RBMS2: variants seen among roughly 807,000 people sequenced by gnomAD.
RBMS2 encodes RNA-binding motif, single-stranded-interacting protein 2.
Under a neutral mutation model 58.4 loss-of-function variants are expected in RBMS2, and 38 were observed. The ratio of observed to expected loss-of-function variants is 0.65; its 90% CI spans 0.50 to 0.85. The LOEUF is 0.85. Ranked by LOEUF, RBMS2 falls within the 40% of genes least tolerant of loss-of-function variation. The pLI is 0.00. For missense variants in RBMS2, 367 were observed against 503.7 expected (o/e 0.73, Z 2.60); for synonymous variants, 151 against 180.7 (o/e 0.84, Z 1.32).
intron 1 of RBMS2, among the ~76,000 whole-genome samples, chr12:56,545,824 G>T (rs1877064113): frequency 6.6e-6 from 1 of 151,986 alleles, no homozygotes; most frequent in African/African-American, 2.4e-5. Flanking sequence ...TATTTATCCA[G>T]TTATCAGTTG....
At chr12:56,566,011 T>C (rs1881281559) in intron 2 of RBMS2, among the ~76,000 whole-genome samples, 1 of 152,114 alleles carries the variant, frequency 6.6e-6, no homozygotes, top group South Asian at 2.1e-4. Flanking sequence ...TGCCCCACAG[T>C]CAGACTTCTC....
chr12:56,588,813 T>G, intron 12 of RBMS2, 119 bp from the exon 13 acceptor site: 2 of 848,264 alleles, frequency 2.4e-6, no homozygotes, highest in South Asian at 3.0e-5. Context: ...CACACATGAG[T>G]GTGGAGAGTG....
intron 1 of RBMS2, among the ~76,000 whole-genome samples, chr12:56,526,144 T>C (rs1001900234): frequency 6.6e-6 from 1 of 151,420 alleles, no homozygotes; most frequent in Non-Finnish European, 1.5e-5. Flanking sequence ...CCGTCAATAC[T>C]GAAAATACAA....
intron 1 of RBMS2, among the ~76,000 whole-genome samples, chr12:56,538,466 CTTTTTTTTTTTTTTT>C (rs58534515): frequency 1.4e-5 from 1 of 72,482 alleles, no homozygotes; most frequent in Non-Finnish European, 2.5e-5. Flanking sequence ...GTACTGATAT[CTTTTTTTTTTTTTTT>C]TTTTTTTTTT....
At position 56,595,247 on chromosome 12, in the gene RBMS2, A is replaced by G. The variant is rs1393019901; in HGVS notation, c.*6114A>G. 6.6e-6 allele frequency: 1 copy of G among 152,148 alleles called. No individual in the cohort carries two copies. Among genetic ancestry groups the G allele is most frequent in the Non-Finnish European group, 1.5e-5 (1 of 68,030 alleles). 9.4% of individuals were successfully genotyped at this position (152,148 alleles called of 1,614,324 possible). ...GGCTGGAAGCGAATGTTCCTTTTCT[A>G]CCTTAACATACAGTTTAGGGGGTTG... On this transcript the variant is annotated 3_prime_UTR_variant, in exon 14 of 14. Coordinates refer to ENST00000262031, the MANE Select transcript of RBMS2 (RefSeq NM_002898.4).
At chr12:56,573,204 T>C (rs1882583135) in intron 5 of RBMS2, 1 of 978,716 alleles carries the variant, frequency 1.0e-6, no homozygotes, top group African/African-American at 1.8e-5. Context: ...TGGCTGGGCG[T>C]GGTGGCTCAC....
chr12:56,581,070 A>C (rs1883877073), intron 5 of RBMS2, 114 bp from the exon 6 acceptor site: 2 of 870,862 alleles, frequency 2.3e-6, no homozygotes, highest in Admixed American at 3.9e-5. Flanking sequence ...TTCTGTAGTC[A>C]TAACATTTGG....
In RBMS2 at chr12:56,569,881, C is replaced by T; in HGVS notation, c.293-18C>T. 6.3e-7 allele frequency: 1 copy of T among 1,593,946 alleles called. No individual in the cohort carries two copies. Among genetic ancestry groups the T allele is most frequent in the Non-Finnish European group, 8.6e-7 (1 of 1,161,832 alleles). On this transcript the variant is annotated intron_variant, in intron 3 of 13. Transcript: ENST00000262031. ...TTACACCTCCCACTTCCTAGTGATGCTGTTTCCTCTGTTCCAGGCTATGGC... is the reference window on the plus strand; with the variant it reads ...TTACACCTCCCACTTCCTAGTGATGTTGTTTCCTCTGTTCCAGGCTATGGC...
intron 1 of RBMS2, among the ~76,000 whole-genome samples, chr12:56,544,694 T>A (rs1466494295): frequency 2.0e-5 from 3 of 151,832 alleles, no homozygotes; most frequent in Admixed American, 1.3e-4. Flanking sequence ...TTTAGTGATC[T>A]TCCCACCTCC....
At chr12:56,539,200 A>G (rs1191443813) in intron 1 of RBMS2, among the ~76,000 whole-genome samples, 4 of 151,986 alleles carry the variant, frequency 2.6e-5, no homozygotes, top group African/African-American at 4.8e-5. Context: ...TATTTTTAGT[A>G]GAGATGAGGT....
chr12:56,586,049 C>T (rs1221589196), intron 9 of RBMS2, among the ~76,000 whole-genome samples: 1 of 151,550 alleles, frequency 6.6e-6, no homozygotes, highest in Non-Finnish European at 1.5e-5. Context: ...CAGGTGTGGG[C>T]CGGGCACGGT....
chr12:56,579,060 A>G (rs1212724164), intron 5 of RBMS2, among the ~76,000 whole-genome samples: 1 of 152,220 alleles, frequency 6.6e-6, no homozygotes, highest in Non-Finnish European at 1.5e-5. Flanking sequence ...ACAACTTGCT[A>G]AAGTCCCCCA....
At chr12:56,534,993 T>C (rs7299115) in intron 1 of RBMS2, among the ~76,000 whole-genome samples, 68,243 of 151,972 alleles carry the variant, frequency 0.45, 16,199 homozygotes, top group East Asian at 0.6. Flanking sequence ...CAACACTTGA[T>C]ACAATTGATC....
In RBMS2 at chr12:56,591,912, AT is replaced by A. The variant is rs1270377362; in HGVS notation, c.*2780del. ...GTTTCTGGTTTGGGCATGGGAAGTGATGGGGGCCTGAAGTTATTTTGCAGTG... is the reference window on the plus strand; with the variant it reads ...GTTTCTGGTTTGGGCATGGGAAGTGAGGGGGCCTGAAGTTATTTTGCAGTG... On this transcript the variant is annotated 3_prime_UTR_variant, in exon 14 of 14. Transcript: ENST00000262031. 6.6e-6 allele frequency: 1 copy of A among 152,138 alleles called. No homozygotes were observed. Among genetic ancestry groups the A allele is most frequent in the East Asian group, 1.9e-4 (1 of 5,200 alleles). 9.4% of individuals were successfully genotyped at this position (152,138 alleles called of 1,614,324 possible). A position where few individuals can be genotyped will look rare whatever the true frequency, so the allele number is the denominator to read the frequency against.
chr12:56,563,982 T>G (rs1161997861), intron 2 of RBMS2, among the ~76,000 whole-genome samples: 1 of 152,058 alleles, frequency 6.6e-6, no homozygotes, highest in Non-Finnish European at 1.5e-5. Flanking sequence ...AAATTTTGTT[T>G]CTTGTACTAA....
intron 4 of RBMS2, among the ~76,000 whole-genome samples, chr12:56,570,895 A>G (rs1882188183): frequency 1.3e-5 from 2 of 152,226 alleles, no homozygotes; most frequent in South Asian, 4.1e-4. Context: ...GCCTTTCTGA[A>G]GCTGTTATGA....
At chr12:56,537,207 C>T (rs555041136) in intron 1 of RBMS2, among the ~76,000 whole-genome samples, 34 of 152,226 alleles carry the variant, frequency 2.2e-4, no homozygotes, top group South Asian at 4.1e-4. Context: ...AGGCGTGAGG[C>T]GCCCACCTTG....
chr12:56,525,557 T>C (rs542789455), intron 1 of RBMS2, among the ~76,000 whole-genome samples: 1 of 151,976 alleles, frequency 6.6e-6, no homozygotes, highest in South Asian at 2.1e-4. Context: ...AGGGTATCAC[T>C]CTGCAGTCTG....
intron 4 of RBMS2, among the ~76,000 whole-genome samples, chr12:56,570,965 G>GAAAAGGAAAAC (rs747589897): frequency 6.6e-6 from 1 of 152,192 alleles, no homozygotes. Context: ...AATGGTTAAA[G>GAAAAGGAAAAC]AAAAGGAAAA....
Sources: gnomAD v4.1 joint callset for allele counts (sites outside exome capture counted in the v4.1 genomes callset) on GRCh38, gnomAD v4.1.1 for gene constraint, MANE v1.5 for transcripts, NCBI Gene and HGNC (gene_info 2026-07-23, HGNC 2026-07-21) for gene names.